Variants in TMEM163 observed in about 807,000 individuals in gnomAD.
TMEM163 encodes transmembrane protein 163.
A neutral mutation model predicts 29.3 loss-of-function variants in TMEM163; 17 were observed. That is an observed-to-expected ratio of 0.58 (90% confidence interval 0.40 to 0.87). The LOEUF is 0.87. TMEM163 is among the 40% of genes least tolerant of loss of function. TMEM163 has a pLI of 0.00. For missense variants in TMEM163, 303 were observed against 381.5 expected (o/e 0.79, Z 1.71); for synonymous variants, 157 against 160.6 (o/e 0.98, Z 0.17).
At chr2:134,471,036 G>T (rs773141945) in intron 5 of TMEM163, among the ~76,000 whole-genome samples, 7 of 152,216 alleles carry the variant, frequency 4.6e-5, no homozygotes, top group Non-Finnish European at 1.0e-4. Flanking sequence ...GCCAGGCATA[G>T]TGGCACATGC....
At chr2:134,588,143 T>C (rs1681862323) in intron 2 of TMEM163, among the ~76,000 whole-genome samples, 1 of 152,202 alleles carries the variant, frequency 6.6e-6, no homozygotes, top group Non-Finnish European at 1.5e-5. Context: ...GTGGGAACTA[T>C]TGGTATCGTT....
At chr2:134,547,033 G>A (rs776812915) in intron 4 of TMEM163, among the ~76,000 whole-genome samples, 7 of 152,140 alleles carry the variant, frequency 4.6e-5, no homozygotes, top group Admixed American at 1.3e-4. Flanking sequence ...CTAGGGACTA[G>A]GGGACAGGGG....
At chr2:134,574,256 C>G (rs1185669918) in intron 2 of TMEM163, among the ~76,000 whole-genome samples, 1 of 152,160 alleles carries the variant, frequency 6.6e-6, no homozygotes, top group Admixed American at 6.5e-5. Flanking sequence ...GACATAGGCT[C>G]TATTCAAAAT....
rs372536888 is a variant in TMEM163, at chr2:134,584,889, C to T, written c.323-32798G>A. The stretch of plus-strand genomic sequence containing the variant: ...AGGCTCACCAAAGGCAATGACTTGT[C>T]CAGAATCAAAGAGCTGGTAAGCAGC... On this transcript the variant is annotated intron_variant, in intron 2 of 7. Transcript: ENST00000281924. 1.8e-4 allele frequency among the ~76,000 whole-genome samples: 27 copies of T among 152,260 alleles called. 1 individual carries two copies. In the South Asian group the frequency reaches 5.4e-3, roughly 30 times the overall value.
chr2:134,566,823 A>G (rs1681309942), intron 2 of TMEM163, among the ~76,000 whole-genome samples: 1 of 152,236 alleles, frequency 6.6e-6, no homozygotes, highest in Admixed American at 6.5e-5. Flanking sequence ...TTAGGCATCC[A>G]TTAATAAGAG....
intron 5 of TMEM163, among the ~76,000 whole-genome samples, chr2:134,474,165 C>T (rs1262427333): frequency 2.0e-5 from 3 of 152,142 alleles, no homozygotes; most frequent in African/African-American, 7.2e-5. Context: ...ACAACATGAC[C>T]AAACGGGGTT....
At chr2:134,520,239 G>A (rs912766468) in intron 4 of TMEM163, among the ~76,000 whole-genome samples, 1 of 152,174 alleles carries the variant, frequency 6.6e-6, no homozygotes, top group East Asian at 1.9e-4. Context: ...ATTCATTAAT[G>A]GCATAGACAC....
chr2:134,490,191 G>A (rs1049903338), intron 5 of TMEM163, among the ~76,000 whole-genome samples: 1 of 152,128 alleles, frequency 6.6e-6, no homozygotes, highest in Non-Finnish European at 1.5e-5. Flanking sequence ...CACCAGCTGG[G>A]TGATGTTTGG....
At chr2:134,533,045 A>G (rs1680449075) in intron 4 of TMEM163, among the ~76,000 whole-genome samples, 1 of 152,226 alleles carries the variant, frequency 6.6e-6, no homozygotes, top group African/African-American at 2.4e-5. Context: ...TTATTAAAGA[A>G]AAAAGTACCC....
chr2:134,664,721 G>A (rs1683834160), intron 2 of TMEM163, among the ~76,000 whole-genome samples: 1 of 152,190 alleles, frequency 6.6e-6, no homozygotes, highest in Admixed American at 6.5e-5. Context: ...ACCACCAGAA[G>A]CTGGAAGGGG....
intron 2 of TMEM163, among the ~76,000 whole-genome samples, chr2:134,632,901 C>A (rs1357942832): frequency 1.3e-5 from 2 of 151,088 alleles, no homozygotes; most frequent in Non-Finnish European, 3.0e-5. Flanking sequence ...CGCCACCACA[C>A]CCAGCTAATT....
chr2:134,624,324 G>A (rs1216664853), intron 2 of TMEM163, among the ~76,000 whole-genome samples: 1 of 152,192 alleles, frequency 6.6e-6, no homozygotes, highest in Non-Finnish European at 1.5e-5. Context: ...GGACGTGGAT[G>A]GAACAGGAGG....
chr2:134,682,855 A>G (rs1479443762), intron 2 of TMEM163, among the ~76,000 whole-genome samples: 1 of 152,192 alleles, frequency 6.6e-6, no homozygotes, highest in African/African-American at 2.4e-5. Flanking sequence ...CTTGCCAAAA[A>G]CCTGGAAGCA....
chr2:134,580,113 C>G (rs1168717936), intron 2 of TMEM163, among the ~76,000 whole-genome samples: 2 of 152,188 alleles, frequency 1.3e-5, no homozygotes, highest in Admixed American at 6.5e-5. Context: ...AAGTATTTTA[C>G]CTGTCCAATT....
intron 2 of TMEM163, among the ~76,000 whole-genome samples, chr2:134,696,346 T>C (rs12691871): frequency 0.31 from 46,987 of 152,046 alleles, 9,516 homozygotes; most frequent in African/African-American, 0.57. Flanking sequence ...TTTTGAGATA[T>C]ATATGCACCT....
At chr2:134,511,977 GA>G (rs1245448956) in intron 4 of TMEM163, among the ~76,000 whole-genome samples, 2 of 152,158 alleles carry the variant, frequency 1.3e-5, no homozygotes, top group Non-Finnish European at 2.9e-5. Flanking sequence ...CCTGCTTTAG[GA>G]AAAAATATTC....
In TMEM163 at chr2:134,672,083, A is replaced by T. The variant is rs1305406876; in HGVS notation, c.322+41117T>A. ...GATGCAATGATAAGATGGTATTTGG[A>T]TTATAAAAAGTGTCCTATAAATTAT... On this transcript the variant is annotated intron_variant, in intron 2 of 7. Coordinates refer to ENST00000281924, the MANE Select transcript of TMEM163 (RefSeq NM_030923.5). Among the ~76,000 whole-genome samples the T allele has an allele frequency of 2.6e-5, 4 of 152,220 alleles. No homozygotes were observed. The East Asian group carries it at 5.8e-4, about 22-fold the overall frequency.
intron 4 of TMEM163, among the ~76,000 whole-genome samples, chr2:134,521,068 G>A (rs573973720): frequency 5.0e-4 from 76 of 151,072 alleles, no homozygotes; most frequent in African/African-American, 1.7e-3. Flanking sequence ...GCACAATCTC[G>A]GCTCACTGCA....
intron 4 of TMEM163, among the ~76,000 whole-genome samples, chr2:134,537,551 T>A (rs1265533281): frequency 3.9e-5 from 6 of 152,104 alleles, no homozygotes; most frequent in Non-Finnish European, 5.9e-5. Context: ...CCTAAAACCA[T>A]CACACTGGGA....
Sources: gnomAD v4.1 joint callset for allele counts (sites outside exome capture counted in the v4.1 genomes callset) on GRCh38, gnomAD v4.1.1 for gene constraint, MANE v1.5 for transcripts, NCBI Gene and HGNC (gene_info 2026-07-23, HGNC 2026-07-21) for gene names.